Variants in PARD3B observed in about 807,000 individuals in gnomAD.
PARD3B encodes par-3 family cell polarity regulator beta.
A neutral mutation model predicts 130.2 loss-of-function variants in PARD3B; 103 were observed. The observed-to-expected ratio is 0.79, with a 90% confidence interval of 0.67 to 0.93. The LOEUF is 0.93. Ranked by LOEUF, PARD3B falls within the 40% of genes least tolerant of loss-of-function variation. PARD3B has a pLI of 0.00. For synonymous variants in PARD3B, 583 were observed against 553.2 expected, an observed-to-expected ratio of 1.05 and a Z score of -0.76; for missense variants, 1,609 against 1,499.2, an observed-to-expected ratio of 1.07 and a Z score of -1.21.
chr2:205,322,710 G>C (rs951825052), intron 18 of PARD3B, among the ~76,000 whole-genome samples: 2 of 151,948 alleles, frequency 1.3e-5, no homozygotes, highest in Non-Finnish European at 2.9e-5. Flanking sequence ...TTCCTTCTCT[G>C]TGATGAGATT....
intron 2 of PARD3B, among the ~76,000 whole-genome samples, chr2:204,779,614 A>G (rs866751637): frequency 2.0e-5 from 3 of 152,302 alleles, no homozygotes; most frequent in Admixed American, 2.0e-4. Context: ...ATGGCTGGTA[A>G]TCTTTGCCTT....
At chr2:204,872,286 C>A (rs1030329461) in intron 2 of PARD3B, among the ~76,000 whole-genome samples, 1 of 151,732 alleles carries the variant, frequency 6.6e-6, no homozygotes, top group Non-Finnish European at 1.5e-5. Flanking sequence ...ATATATATAA[C>A]ATACATGTAA....
intron 3 of PARD3B, among the ~76,000 whole-genome samples, chr2:204,966,736 GA>G (rs367826072): frequency 2.0e-5 from 3 of 151,662 alleles, no homozygotes; most frequent in African/African-American, 7.3e-5. Context: ...TCGAATGCAA[GA>G]AAAAAAAGTC....
rs201109566 is a variant in PARD3B at position 205,416,922 on chromosome 2, TTTTC to T, written c.2741+15803_2741+15806del. On this transcript the variant is annotated intron_variant, in intron 19 of 22. Transcript: ENST00000406610. ...GGCTAAGGGAACAACTGAACCTTTC[TTTTC>T]TTTTCTTTTCTTTTTTATTTTACTT... 3.9e-3 allele frequency among the ~76,000 whole-genome samples: 597 copies of T among 151,804 alleles called. 6 individuals carry two copies. The highest frequency in any genetic ancestry group is 0.013 in the African/African-American group (549 of 41,490).
chr2:204,676,388 C>T (rs1027633430), intron 1 of PARD3B, among the ~76,000 whole-genome samples: 2 of 151,910 alleles, frequency 1.3e-5, no homozygotes, highest in African/African-American at 4.8e-5. Flanking sequence ...AGACTTTCTG[C>T]TTGGGGATGC....
intron 2 of PARD3B, among the ~76,000 whole-genome samples, chr2:204,766,984 A>ATTTT (rs1359622559): frequency 3.1e-5 from 2 of 65,400 alleles, no homozygotes; most frequent in African/African-American, 9.8e-5. Flanking sequence ...TTTTTTTCAC[A>ATTTT]TTTTTTATTT....
rs183740850 is a variant in PARD3B, at chr2:205,463,833, T to C, written c.3044+23161T>C. On this transcript the variant is annotated intron_variant, in intron 20 of 22. Transcript: ENST00000406610. This position sits in a 1 kb window ranked among gnomAD's most constrained non-coding sequence, Gnocchi z 4.8. ...GCCAGCCACCCTTCCCCACATACCA[T>C]GCAGCTGTTGCAGTAGCCTTAGGGA... 1.7e-3 allele frequency among the ~76,000 whole-genome samples: 259 copies of C among 152,264 alleles called. No homozygotes were observed. Among genetic ancestry groups the C allele is most frequent in the Non-Finnish European group, 2.4e-3 (163 of 68,012 alleles).
chr2:204,574,506 A>G (rs1458132909), intron 1 of PARD3B, among the ~76,000 whole-genome samples: 5 of 152,226 alleles, frequency 3.3e-5, no homozygotes, highest in Non-Finnish European at 4.4e-5. Context: ...ACGATGGTCT[A>G]AGGGAGACAT....
chr2:205,498,459 GC>G (rs1392909854), intron 20 of PARD3B, among the ~76,000 whole-genome samples: 2 of 151,582 alleles, frequency 1.3e-5, no homozygotes, highest in African/African-American at 4.9e-5. Flanking sequence ...CCAAGATAGT[GC>G]CATAGCACTC....
chr2:204,989,711 C>T (rs1257001731), intron 3 of PARD3B, among the ~76,000 whole-genome samples: 1 of 152,052 alleles, frequency 6.6e-6, no homozygotes, highest in Non-Finnish European at 1.5e-5. Flanking sequence ...TGGAAGTATA[C>T]TGAAAATTTT....
chr2:204,917,927 A>C (rs771753605), intron 2 of PARD3B, among the ~76,000 whole-genome samples: 8 of 152,200 alleles, frequency 5.3e-5, no homozygotes, highest in Non-Finnish European at 1.0e-4. Context: ...ATTAAATATT[A>C]GAATTTGCAG....
rs566114818 is a variant in PARD3B, at chr2:205,149,654, C to T, written c.1435-9068C>T. ...TCTCCACTCAGAGATATCTGGCATC[C>T]CTCACAGTAAAAACTGCCACCCCTT... is the stretch of plus-strand genomic sequence containing the variant. On this transcript the variant is annotated intron_variant, in intron 10 of 22. Coordinates refer to ENST00000406610, the MANE Select transcript of PARD3B (RefSeq NM_001302769.2). Among the ~76,000 whole-genome samples the T allele has an allele frequency of 2.6e-5, 4 of 152,246 alleles. No individual in the cohort carries two copies. The East Asian group carries it at 7.7e-4, about 29-fold the overall frequency.
chr2:205,597,093 C>G (rs901014356), intron 22 of PARD3B, among the ~76,000 whole-genome samples: 4 of 151,102 alleles, frequency 2.6e-5, no homozygotes, highest in East Asian at 1.9e-4. Flanking sequence ...AGTTGGTTAC[C>G]TACGTGTATT....
chr2:205,391,002 T>G (rs1303363723), intron 18 of PARD3B, among the ~76,000 whole-genome samples: 2 of 152,198 alleles, frequency 1.3e-5, no homozygotes, highest in Non-Finnish European at 2.9e-5. Context: ...CCCATTTGCC[T>G]GTCAATGGTA....
intron 15 of PARD3B, among the ~76,000 whole-genome samples, chr2:205,202,085 C>T (rs1188315240): frequency 6.6e-6 from 1 of 152,098 alleles, no homozygotes; most frequent in Non-Finnish European, 1.5e-5. Context: ...CGGCAGGCCT[C>T]TTTCAAAACA....
chr2:204,565,452 T>G (rs1330468635), intron 1 of PARD3B, among the ~76,000 whole-genome samples: 2 of 152,164 alleles, frequency 1.3e-5, no homozygotes, highest in South Asian at 2.1e-4. Context: ...ATACCATACA[T>G]TGGTCATTTG....
chr2:204,774,108 C>T (rs2041509074), intron 2 of PARD3B, among the ~76,000 whole-genome samples: 1 of 152,002 alleles, frequency 6.6e-6, no homozygotes, highest in Admixed American at 6.6e-5. Context: ...TCTGCCTGGA[C>T]TCCTCTTGAT....
rs1404009254 is a variant in PARD3B, at chr2:205,104,483, C to G, written c.562C>G (p.Leu188Val). Residue 188 changes from leucine (L) to valine (V), a missense_variant, in exon 5 of 23, where the codon CTA becomes GTA. By Grantham distance (32) the Leu-to-Val change is conservative. Transcript: ENST00000406610. ...EVLNGVQTEL[L>V]TSPRTKDTLS... ...TTTGAATGGTGTACAGACAGAACTA[C>G]TAACTTCGCCAAGAACTAAGGACAC... 1.3e-6 allele frequency: 2 copies of G among 1,592,740 alleles called. No homozygotes were observed. Among genetic ancestry groups the G allele is most frequent in the Non-Finnish European group, 8.6e-7 (1 of 1,160,758 alleles).
intron 1 of PARD3B, among the ~76,000 whole-genome samples, chr2:204,585,323 TTCTC>T (rs368243276): frequency 2.0e-5 from 3 of 151,958 alleles, no homozygotes; most frequent in South Asian, 2.1e-4. Flanking sequence ...TGGACACTGT[TTCTC>T]TTTCTTTCTT....
Sources: gnomAD v4.1 joint callset for allele counts (sites outside exome capture counted in the v4.1 genomes callset) on GRCh38, gnomAD v4.1.1 for gene constraint, Gnocchi (gnomAD v3.1) non-coding constraint, MANE v1.5 for transcripts, NCBI Gene and HGNC (gene_info 2026-07-23, HGNC 2026-07-21) for gene names.